The following OPHN1 variants were observed in gnomAD, a reference collection of about 807,000 sequenced individuals.
The protein encoded by OPHN1 is oligophrenin-1.
In OPHN1, 11 loss-of-function variants were observed where a neutral mutation model predicts 60.7. That is an observed-to-expected ratio of 0.18 (90% confidence interval 0.11 to 0.30). The LOEUF is 0.30. OPHN1 is among the 10% of genes least tolerant of loss of function. The pLI, the probability that OPHN1 is intolerant of heterozygous loss-of-function variation, is 1.00. For synonymous variants in OPHN1, 226 were observed against 222.6 expected, an observed-to-expected ratio of 1.02 and a Z score of -0.14; for missense variants, 449 against 611.0, an observed-to-expected ratio of 0.73 and a Z score of 2.80.
chrX:68,103,487 T>C (rs1275868336), intron 18 of OPHN1, among the ~76,000 whole-genome samples: 1 of 110,094 alleles, frequency 9.1e-6, no homozygotes, highest in East Asian at 2.9e-4. Context: ...ATGCCCTCTC[T>C]CACCACTCCT....
chrX:68,078,668 C>G (rs2076962495), intron 19 of OPHN1, among the ~76,000 whole-genome samples: 1 of 110,946 alleles, frequency 9.0e-6, no homozygotes, highest in Non-Finnish European at 1.9e-5. Context: ...CCTCATACTT[C>G]AGAGAAAAGG....
At position 68,433,478 on chromosome X, in the gene OPHN1, C is replaced by T. The variant is rs1033342254; in HGVS notation, c.-315G>A. ...TCTCTACAGGCTCCTCGCTCCGGAGCGAGCGGAAGACTTCCTTGGCCGAAC... is the reference window on the plus strand; with the variant it reads ...TCTCTACAGGCTCCTCGCTCCGGAGTGAGCGGAAGACTTCCTTGGCCGAAC... On this transcript the variant is annotated 5_prime_UTR_variant, in exon 1 of 25. Transcript: ENST00000355520. 7.2e-6 allele frequency: 2 copies of T among 276,454 alleles called. No individual in the cohort carries two copies. Among genetic ancestry groups the T allele is most frequent in the Non-Finnish European group, 1.3e-5 (2 of 157,135 alleles). The allele number at this position is 276,454 out of a possible 1,213,427, so 22.8% of individuals were successfully genotyped here.
chrX:68,369,615 G>T (rs1417642340), intron 2 of OPHN1, among the ~76,000 whole-genome samples: 2 of 109,868 alleles, frequency 1.8e-5, no homozygotes, highest in Non-Finnish European at 3.8e-5. Flanking sequence ...CAAAAAATCA[G>T]GAAAATGACA....
At chrX:68,163,690 T>C (rs2077345774) in intron 15 of OPHN1, among the ~76,000 whole-genome samples, 1 of 111,316 alleles carries the variant, frequency 9.0e-6, no homozygotes, top group African/African-American at 3.3e-5. Context: ...TGTACTAATC[T>C]ACCTTCCTAC....
chrX:68,255,362 C>T (rs1178891370), intron 5 of OPHN1, among the ~76,000 whole-genome samples: 1 of 112,539 alleles, frequency 8.9e-6, no homozygotes, highest in African/African-American at 3.2e-5. Flanking sequence ...ATTAAATCAA[C>T]AACAAAAGTT....
intron 2 of OPHN1, among the ~76,000 whole-genome samples, chrX:68,372,581 A>C (rs1026300616): frequency 9.0e-6 from 1 of 111,344 alleles, no homozygotes; most frequent in Non-Finnish European, 1.9e-5. Flanking sequence ...ACATGACAGG[A>C]CTTTCTAAAC....
At chrX:68,116,595 TTAG>T (rs2147438316) in intron 16 of OPHN1, among the ~76,000 whole-genome samples, 1 of 111,519 alleles carries the variant, frequency 9.0e-6, no homozygotes, top group Non-Finnish European at 1.9e-5. Flanking sequence ...CACCAATTTT[TTAG>T]TTCAAGCCCT....
intron 23 of OPHN1, among the ~76,000 whole-genome samples, chrX:68,052,087 C>T (rs1039762578): frequency 9.0e-6 from 1 of 111,191 alleles, no homozygotes; most frequent in African/African-American, 3.3e-5. Context: ...GTCAGGAGTT[C>T]GAGACCAGCC....
At chrX:68,066,181 T>C (rs1211273202) in intron 20 of OPHN1, among the ~76,000 whole-genome samples, 1 of 112,499 alleles carries the variant, frequency 8.9e-6, no homozygotes, top group Non-Finnish European at 1.9e-5. Context: ...CAAGCACATC[T>C]ACTCTCTCCA....
intron 19 of OPHN1, among the ~76,000 whole-genome samples, chrX:68,077,981 T>C (rs897706179): frequency 7.2e-5 from 8 of 111,860 alleles, no homozygotes; most frequent in Admixed American, 1.9e-4. Flanking sequence ...TGAGCCTCAG[T>C]TGTCTAATTT....
intron 15 of OPHN1, among the ~76,000 whole-genome samples, chrX:68,159,114 A>C (rs1260568692): frequency 8.9e-6 from 1 of 111,854 alleles, no homozygotes; most frequent in African/African-American, 3.3e-5. Flanking sequence ...AGGCTATTAA[A>C]AAACAGGTCC....
chrX:68,084,823 C>T (rs901627279), intron 19 of OPHN1, among the ~76,000 whole-genome samples: 4 of 111,907 alleles, frequency 3.6e-5, no homozygotes, highest in Admixed American at 9.4e-5. Context: ...TGGCAGTAGG[C>T]AGAGCTCAGA....
chrX:68,233,061 T>C (rs1297446988), intron 6 of OPHN1, among the ~76,000 whole-genome samples: 1 of 110,484 alleles, frequency 9.1e-6, no homozygotes, highest in Non-Finnish European at 1.9e-5. Flanking sequence ...CCTAAGTAAT[T>C]GAGATTACAG....
At chrX:68,133,024 ACCG>A (rs781734751) in intron 15 of OPHN1, 2 of 484,155 alleles carry the variant, frequency 4.1e-6, no homozygotes, top group Non-Finnish European at 7.5e-6. Flanking sequence ...CGCAGACCCT[ACCG>A]CCAACTCTGC....
At chrX:68,180,502 G>A (rs2077431968) in intron 15 of OPHN1, among the ~76,000 whole-genome samples, 1 of 111,858 alleles carries the variant, frequency 8.9e-6, no homozygotes, top group Non-Finnish European at 1.9e-5. Flanking sequence ...TTGTGTGAAT[G>A]TGCAAACTTA....
At chrX:68,264,279 T>C (rs2077910187) in intron 5 of OPHN1, among the ~76,000 whole-genome samples, 2 of 111,278 alleles carry the variant, frequency 1.8e-5, no homozygotes, top group African/African-American at 3.3e-5. Context: ...ACTAAAGAGC[T>C]TCTGCACAGC....
In OPHN1 at chrX:68,073,145, T is replaced by G. The variant is rs758754298; in HGVS notation, c.1834+7A>C. On this transcript the variant is annotated splice_region_variant and intron_variant, in intron 20 of 24. Transcript: ENST00000355520. ...TTCAGAAGCTAAAGGTGAACCTCAG[T>G]ACTGACCTTCGCTTTCATCCAGGGA... is the stretch of plus-strand genomic sequence containing the variant. The G allele has an allele frequency of 1.2e-5, 15 of 1,203,397 alleles. No individual in the cohort carries two copies. Among genetic ancestry groups the G allele is most frequent in the Non-Finnish European group, 1.3e-5 (12 of 891,428 alleles).
At chrX:68,363,457 G>A (rs1000848191) in intron 2 of OPHN1, among the ~76,000 whole-genome samples, 1 of 109,471 alleles carries the variant, frequency 9.1e-6, no homozygotes, top group Non-Finnish European at 1.9e-5. Context: ...TTACAGGCAC[G>A]TGCCACCACA....
chrX:68,127,994 A>G (rs1410050573), intron 15 of OPHN1, among the ~76,000 whole-genome samples: 1 of 111,617 alleles, frequency 9.0e-6, no homozygotes, highest in African/African-American at 3.3e-5. Context: ...AGATAGAATA[A>G]TCATTATTTA....
Sources: gnomAD v4.1 joint callset for allele counts (sites outside exome capture counted in the v4.1 genomes callset) on GRCh38, gnomAD v4.1.1 for gene constraint, MANE v1.5 for transcripts, NCBI Gene and HGNC (gene_info 2026-07-23, HGNC 2026-07-21) for gene names.